The following ALDH8A1 variants were observed in gnomAD, a reference collection of about 807,000 sequenced individuals.
ALDH8A1 encodes the protein 2-aminomuconic semialdehyde dehydrogenase.
In ALDH8A1, 39 loss-of-function variants were observed where a neutral mutation model predicts 43.3. The observed-to-expected ratio is 0.90, with a 90% confidence interval of 0.70 to 1.18. The LOEUF (loss-of-function observed/expected upper bound fraction) is 1.18. ALDH8A1 is among the 50% of genes most tolerant of loss of function. ALDH8A1 has a pLI of 0.00. For missense variants in ALDH8A1, 605 were observed against 622.6 expected (o/e 0.97, Z 0.30); for synonymous variants, 233 against 243.5 (o/e 0.96, Z 0.40).
intron 6 of ALDH8A1, among the ~76,000 whole-genome samples, chr6:134,928,592 G>A (rs1287624496): frequency 1.3e-5 from 2 of 152,332 alleles, no homozygotes; most frequent in East Asian, 1.9e-4. Context: ...CAATCATTCA[G>A]AGACTATCAG....
In ALDH8A1 at chr6:134,939,327, G is replaced by A. The variant is rs1239211987; in HGVS notation, c.531C>T (p.Ala177=). 1 of 1,614,222 alleles carries A rather than the reference G, an allele frequency of 6.2e-7. No homozygotes were observed. The highest frequency in any genetic ancestry group is 1.7e-5 in the Admixed American group (1 of 60,024). ...TCACTGAAGTCAGCTCACTGGGCTT[G>A]GCTATCACAGTGTTCCCTGCAGCCA... ...PAMAAGNTVI[A]KPSELTSVTA... is the part of the protein sequence containing the mutation. Residue 177 remains alanine, a synonymous_variant, in exon 4 of 7, where the codon GCC becomes GCT. Coordinates refer to ENST00000265605, the MANE Select transcript of ALDH8A1 (RefSeq NM_022568.4).
chr6:134,939,455 C>T, intron 3 of ALDH8A1, 40 bp from the exon 4 acceptor site: 1 of 1,602,286 alleles, frequency 6.2e-7, no homozygotes, highest in Non-Finnish European at 8.5e-7. Context: ...TGACGGCATA[C>T]CCCTCTGAGG....
At chr6:134,948,889 A>T (rs1358148354) in intron 1 of ALDH8A1, among the ~76,000 whole-genome samples, 1 of 152,242 alleles carries the variant, frequency 6.6e-6, no homozygotes, top group Non-Finnish European at 1.5e-5. Flanking sequence ...AGTGGAAAAC[A>T]CAAAGCTGGA....
At chr6:134,921,053 C>T (rs959669118) in intron 6 of ALDH8A1, among the ~76,000 whole-genome samples, 5 of 152,168 alleles carry the variant, frequency 3.3e-5, no homozygotes, top group African/African-American at 7.2e-5. Context: ...TTTAGCATGA[C>T]GCCTAGTACA....
intron 5 of ALDH8A1, among the ~76,000 whole-genome samples, chr6:134,932,364 C>T (rs1431643912): frequency 6.6e-6 from 1 of 152,116 alleles, no homozygotes; most frequent in Non-Finnish European, 1.5e-5. Flanking sequence ...TGGATGAACG[C>T]ATTTTGAATA....
chr6:134,929,458 T>C (rs975225185), intron 5 of ALDH8A1, among the ~76,000 whole-genome samples: 3 of 152,152 alleles, frequency 2.0e-5, no homozygotes, highest in Non-Finnish European at 4.4e-5. Flanking sequence ...TAAAATAAAA[T>C]TAAGCAGAGG....
chr6:134,940,644 A>G (rs1773837126), intron 3 of ALDH8A1, among the ~76,000 whole-genome samples: 1 of 152,244 alleles, frequency 6.6e-6, no homozygotes, highest in Non-Finnish European at 1.5e-5. Flanking sequence ...AGCAGCTAGA[A>G]TGTGTCTCCA....
At position 134,944,743 on chromosome 6, in the gene ALDH8A1, G is replaced by A. The variant is rs373522369; in HGVS notation, c.139-777C>T. Among the ~76,000 whole-genome samples, 30 of 151,872 alleles carry A rather than the reference G, an allele frequency of 2.0e-4. No individual in the cohort carries two copies. The East Asian group carries it at 3.7e-3, about 19-fold the overall frequency. On this transcript the variant is annotated intron_variant, in intron 1 of 6. Coordinates refer to ENST00000265605, the MANE Select transcript of ALDH8A1 (RefSeq NM_022568.4). ...TACACAAAGGTTTTTTAAAAAATTA[G>A]TTGGGCGTTGTGGTGCATGCCTGTA...
chr6:134,944,575 G>A (rs1436705349), intron 1 of ALDH8A1, among the ~76,000 whole-genome samples: 1 of 152,130 alleles, frequency 6.6e-6, no homozygotes, highest in Non-Finnish European at 1.5e-5. Flanking sequence ...AATCACTTCA[G>A]AAACTAGAAT....
In ALDH8A1 at chr6:134,942,432, G is replaced by T. The variant is rs533886052; in HGVS notation, c.419C>A (p.Thr140Lys). The T allele has an allele frequency of 6.2e-7, 1 of 1,613,952 alleles. No individual in the cohort carries two copies. The highest frequency in any genetic ancestry group is 8.5e-7 in the Non-Finnish European group (1 of 1,179,864). ...ACCGACTCCCACCGGGGCCCGCACC[G>T]TGTAGTGCATGCAGCCCAGGTGGTC... ...QMDHLGCMHY[T>K]VRAPVGVAGL... Residue 140 changes from threonine to lysine, a missense_variant, in exon 3 of 7, where the codon ACG becomes AAG. Thr to Lys is a moderately conservative substitution (Grantham distance 78). Coordinates refer to ENST00000265605, the MANE Select transcript of ALDH8A1 (RefSeq NM_022568.4).
chr6:134,934,883 C>A (rs1328656540), intron 4 of ALDH8A1, among the ~76,000 whole-genome samples: 1 of 152,130 alleles, frequency 6.6e-6, no homozygotes, highest in African/African-American at 2.4e-5. Flanking sequence ...GATTGGGGCA[C>A]CCATTTTTGG....
At position 134,930,454 on chromosome 6, in the gene ALDH8A1, A is replaced by G. The variant is rs1776964866; in HGVS notation, c.850-1239T>C. Among the ~76,000 whole-genome samples, 3 of 152,240 alleles carry G rather than the reference A, an allele frequency of 2.0e-5. No homozygotes were observed. The South Asian group carries it at 6.2e-4, about 32-fold the overall frequency. Reference sequence around the variant, plus strand: ...TAACCACATTCTAGACTTTCAAAGCATTATTTATGCATGAAAAGTACAGAA... The same window carrying G: ...TAACCACATTCTAGACTTTCAAAGCGTTATTTATGCATGAAAAGTACAGAA... On this transcript the variant is annotated intron_variant, in intron 5 of 6. Coordinates refer to ENST00000265605, the MANE Select transcript of ALDH8A1 (RefSeq NM_022568.4).
intron 6 of ALDH8A1, 137 bp from the exon 7 acceptor site, chr6:134,919,004 T>C: frequency 9.8e-7 from 1 of 1,023,468 alleles, no homozygotes; most frequent in Non-Finnish European, 1.4e-6. Flanking sequence ...GATTATCTTA[T>C]CACTCAGCTG....
chr6:134,942,223 A>G (rs1210888480), intron 3 of ALDH8A1, 186 bp downstream of exon 3: 1 of 762,486 alleles, frequency 1.3e-6, no homozygotes, highest in African/African-American at 1.8e-5. Context: ...CTGTCTAAAA[A>G]GAAAAGCAGG....
chr6:134,918,446 G>C lies in ALDH8A1; in HGVS notation c.1433C>G (p.Thr478Ser), dbSNP rs778840412. ...EGAKDSYDFF[T>S]EIKTITVKH ...TTTAACGGTGATGGTTTTGATCTCAGTGAAGAAGTCGTAAGAGTCCTTGGC... is the reference window on the plus strand; with the variant it reads ...TTTAACGGTGATGGTTTTGATCTCACTGAAGAAGTCGTAAGAGTCCTTGGC... The change falls in exon 7 of 7, where the codon ACT (threonine) becomes AGT (serine). Residue 478 changes from threonine (T) to serine (S), a missense_variant. Thr to Ser is a moderately conservative substitution (Grantham distance 58, BLOSUM62 1). Coordinates refer to ENST00000265605, the MANE Select transcript of ALDH8A1 (RefSeq NM_022568.4). 2 of 1,614,152 alleles carry C rather than the reference G, an allele frequency of 1.2e-6. No individual in the cohort carries two copies. The highest frequency in any genetic ancestry group is 1.7e-5 in the Admixed American group (1 of 60,016).
At chr6:134,936,253 A>G (rs1433084117) in intron 4 of ALDH8A1, among the ~76,000 whole-genome samples, 4 of 152,192 alleles carry the variant, frequency 2.6e-5, no homozygotes, top group African/African-American at 7.2e-5. Context: ...GCCTGGCCAA[A>G]GCACCACTTC....
rs779980549 is a variant in ALDH8A1, at chr6:134,918,464, T to A, written c.1415A>T (p.Asp472Val). The A allele has an allele frequency of 1.5e-5, 25 of 1,613,850 alleles. No individual in the cohort carries two copies. The highest frequency in any genetic ancestry group is 1.0e-4 in the Admixed American group (6 of 59,982). The stretch of plus-strand genomic sequence containing the variant: ...GATCTCAGTGAAGAAGTCGTAAGAG[T>A]CCTTGGCTCCCTCTCTACCTATTCC... ...SSGIGREGAK[D>V]SYDFFTEIKT... The change falls in exon 7 of 7, where the codon GAC becomes GTC. Residue 472 changes from aspartate (D) to valine (V), a missense_variant. Transcript: ENST00000265605.
chr6:134,931,759 C>T (rs1383712857), intron 5 of ALDH8A1, among the ~76,000 whole-genome samples: 1 of 152,150 alleles, frequency 6.6e-6, no homozygotes, highest in Non-Finnish European at 1.5e-5. Flanking sequence ...ATATTTCTAG[C>T]CACTTCAAGA....
chr6:134,918,479 C>T lies in ALDH8A1; in HGVS notation c.1400G>A (p.Arg467Lys), dbSNP rs369457109. 3.1e-6 allele frequency: 5 copies of T among 1,614,222 alleles called. No homozygotes were observed. Among genetic ancestry groups the T allele is most frequent in the South Asian group, 1.1e-5 (1 of 91,080 alleles). ...FGGMKSSGIG[R>K]EGAKDSYDFF... ...GTCGTAAGAGTCCTTGGCTCCCTCT[C>T]TACCTATTCCAGAACTCTTCATCCC... Residue 467 changes from arginine to lysine, a missense_variant, in exon 7 of 7, where the codon AGA (arginine) becomes AAA (lysine). Transcript: ENST00000265605.
Sources: gnomAD v4.1 joint callset for allele counts (sites outside exome capture counted in the v4.1 genomes callset) on GRCh38, gnomAD v4.1.1 for gene constraint, MANE v1.5 for transcripts, NCBI Gene and HGNC (gene_info 2026-07-23, HGNC 2026-07-21) for gene names.